Variants in NRG1 observed in about 807,000 individuals in gnomAD.
NRG1 encodes the protein neuregulin 1.
Under a neutral mutation model 63.8 loss-of-function variants are expected in NRG1, and 18 were observed. The observed-to-expected ratio is 0.28, with a 90% CI of 0.19 to 0.42. The LOEUF (loss-of-function observed/expected upper bound fraction) is 0.42, where lower values mean the gene tolerates loss of function less well. Ranked by LOEUF, NRG1 falls within the 10% of genes least tolerant of loss-of-function variation. The pLI is 1.00. For missense variants in NRG1, 762 were observed against 814.7 expected (o/e 0.94, Z 0.79); for synonymous variants, 302 against 301.3 (o/e 1.00, Z -0.02).
intron 1 of NRG1, among the ~76,000 whole-genome samples, chr8:32,211,901 C>A (rs1369628548): frequency 1.3e-5 from 2 of 152,084 alleles, no homozygotes; most frequent in African/African-American, 2.4e-5. Context: ...TCTCCTAGAG[C>A]TTTTGTGAAC....
chr8:32,233,563 A>ATATATATATATT (rs34593729), intron 1 of NRG1, among the ~76,000 whole-genome samples: 124 of 67,226 alleles, frequency 1.8e-3, no homozygotes, highest in South Asian at 3.0e-3. Flanking sequence ...ATATATATAT[A>ATATATATATATT]TTTTTTTTTT....
intron 8 of NRG1, among the ~76,000 whole-genome samples, chr8:32,755,734 TA>T (rs1829553690): frequency 6.6e-6 from 1 of 150,718 alleles, no homozygotes; most frequent in African/African-American, 2.5e-5. Context: ...ATCACTCTTA[TA>T]AATTCTACAG....
At chr8:31,834,307 G>GCACACACA (rs1554547024) in intron 1 of NRG1, among the ~76,000 whole-genome samples, 9 of 119,510 alleles carry the variant, frequency 7.5e-5, no homozygotes, top group African/African-American at 1.5e-4. Context: ...GCGCACGCGC[G>GCACACACA]CACACACACA....
chr8:32,412,463 T>TATATATATATATAC (rs1563428983), intron 1 of NRG1, among the ~76,000 whole-genome samples: 1 of 115,238 alleles, frequency 8.7e-6, no homozygotes, highest in Non-Finnish European at 1.9e-5. Context: ...CATATATATA[T>TATATATATATATAC]ATATATATAT....
chr8:31,933,859 C>T (rs2129620222), intron 1 of NRG1, among the ~76,000 whole-genome samples: 1 of 152,256 alleles, frequency 6.6e-6, no homozygotes, highest in South Asian at 2.1e-4. Context: ...TCAATAGTAA[C>T]ATTGAATATT....
chr8:31,880,718 TTTAG>T (rs1830285205), intron 1 of NRG1, among the ~76,000 whole-genome samples: 1 of 152,194 alleles, frequency 6.6e-6, no homozygotes, highest in Admixed American at 6.5e-5. Flanking sequence ...ACAAGATCTC[TTTAG>T]TTATTTTTTA....
At chr8:32,616,294 C>T (rs1483417957) in intron 4 of NRG1, among the ~76,000 whole-genome samples, 1 of 151,696 alleles carries the variant, frequency 6.6e-6, no homozygotes. Flanking sequence ...TTTGTTTGAT[C>T]CTAATGTAAT....
rs117036832 is a variant in NRG1 at position 31,786,199 on chromosome 8, T to C, written c.37+146768T>C. Among the ~76,000 whole-genome samples, 36 of 152,340 alleles carry C rather than the reference T, an allele frequency of 2.4e-4. 1 individual carries two copies. The East Asian group carries it at 6.9e-3, about 29-fold the overall frequency. On this transcript the variant is annotated intron_variant, in intron 1 of 10. Coordinates refer to the NRG1 transcript ENST00000519301. ...CAAAGAATTGAGTTTCGATTCTGAC[T>C]TAAGAGACATAAACAAGGAAAAGTA...
intron 1 of NRG1, among the ~76,000 whole-genome samples, chr8:32,459,010 GT>G (rs1300623620): frequency 6.6e-6 from 1 of 152,060 alleles, no homozygotes; most frequent in Non-Finnish European, 1.5e-5. Context: ...CACTCAAATG[GT>G]TTTAAATACC....
At chr8:32,296,717 T>C (rs1356627554) in intron 1 of NRG1, among the ~76,000 whole-genome samples, 2 of 151,740 alleles carry the variant, frequency 1.3e-5, no homozygotes, top group African/African-American at 2.4e-5. Flanking sequence ...ACATATTTGA[T>C]ATATAACCTT....
At position 32,592,014 on chromosome 8, in the gene NRG1, C is replaced by T. The variant is rs1179695863; in HGVS notation, c.101-3814C>T. Among the ~76,000 whole-genome samples the T allele has an allele frequency of 5.9e-5, 9 of 151,552 alleles. 1 individual carries two copies. Among genetic ancestry groups the T allele is most frequent in the East Asian group, 3.9e-4 (2 of 5,162 alleles). On this transcript the variant is annotated intron_variant, in intron 1 of 11. Coordinates refer to ENST00000356819, the Ensembl canonical transcript of NRG1. Reference sequence around the variant, plus strand: ...ACGCACACACAGACACACATACACACGTGCGTATTTAATGAAGCCTAGGTC... The same window carrying T: ...ACGCACACACAGACACACATACACATGTGCGTATTTAATGAAGCCTAGGTC...
chr8:32,262,409 G>C (rs1563246019), intron 1 of NRG1, among the ~76,000 whole-genome samples: 1 of 152,144 alleles, frequency 6.6e-6, no homozygotes, highest in Non-Finnish European at 1.5e-5. Context: ...AGGTGTGAAA[G>C]CAAGAATCAG....
chr8:31,956,259 T>C (rs889179225), intron 1 of NRG1, among the ~76,000 whole-genome samples: 12 of 151,852 alleles, frequency 7.9e-5, no homozygotes, highest in African/African-American at 2.4e-4. Flanking sequence ...TGCTGATAAG[T>C]ATGAGGTAAT....
At position 32,374,937 on chromosome 8, in the gene NRG1, C is replaced by T. The variant is rs139356225; in HGVS notation, c.38-220891C>T. Reference sequence around the variant, plus strand: ...GGGCTCAACAGCAGAACCCTAAGAACGGATATTTTTGCCTAGGCCTAAGAA... The same window carrying T: ...GGGCTCAACAGCAGAACCCTAAGAATGGATATTTTTGCCTAGGCCTAAGAA... On this transcript the variant is annotated intron_variant, in intron 1 of 10. Transcript: ENST00000519301. 1.0e-3 allele frequency among the ~76,000 whole-genome samples: 159 copies of T among 152,100 alleles called. 3 individuals carry two copies. Among genetic ancestry groups the T allele is most frequent in the East Asian group, 7.4e-3 (38 of 5,162 alleles).
intron 1 of NRG1, among the ~76,000 whole-genome samples, chr8:32,359,536 T>C (rs893208109): frequency 1.3e-5 from 2 of 152,146 alleles, no homozygotes; most frequent in Admixed American, 6.6e-5. Context: ...CCTTTTCCAA[T>C]GTCTTGAAAG....
chr8:32,014,180 T>G (rs537825682), intron 1 of NRG1, among the ~76,000 whole-genome samples: 1 of 152,266 alleles, frequency 6.6e-6, no homozygotes, highest in South Asian at 2.1e-4. Context: ...TCTTCCTATC[T>G]ATGAGCATGG....
intron 1 of NRG1, among the ~76,000 whole-genome samples, chr8:31,925,086 T>C (rs1262510880): frequency 6.6e-6 from 1 of 151,138 alleles, no homozygotes; most frequent in Non-Finnish European, 1.5e-5. Flanking sequence ...TTAAAAGCAG[T>C]GCATTATAAA....
chr8:32,653,129 TTTTG>T (rs199864736), intron 5 of NRG1, among the ~76,000 whole-genome samples: 87 of 149,310 alleles, frequency 5.8e-4, no homozygotes, highest in African/African-American at 1.8e-3. Context: ...TTTGGTTTTT[TTTTG>T]TTTGTTTGTT....
intron 1 of NRG1, among the ~76,000 whole-genome samples, chr8:31,843,129 C>G: frequency 6.7e-6 from 1 of 150,120 alleles, no homozygotes; most frequent in African/African-American, 2.4e-5. Flanking sequence ...AAAAAAAAAA[C>G]ACCTTTTATA....
Sources: gnomAD v4.1 joint callset for allele counts (sites outside exome capture counted in the v4.1 genomes callset) on GRCh38, gnomAD v4.1.1 for gene constraint, MANE v1.5 for transcripts, NCBI Gene and HGNC (gene_info 2026-07-23, HGNC 2026-07-21) for gene names.